The following GNAI2 variants were observed in gnomAD, a reference collection of about 807,000 sequenced individuals.
GNAI2 encodes the protein guanine nucleotide-binding protein G(i) subunit alpha-2.
In GNAI2, 4 loss-of-function variants were observed where a neutral mutation model predicts 36.8. The observed-to-expected ratio is 0.11, with a 90% CI of 0.05 to 0.25. The LOEUF is 0.25. Among genes scored for constraint, GNAI2 ranks in the 10% least tolerant of loss-of-function variants. The pLI is 1.00. For synonymous variants in GNAI2, 194 were observed against 194.1 expected (o/e 1.00, Z 0.01); for missense variants, 230 against 481.3 (o/e 0.48, Z 4.89).
chr3:50,242,622 C>G lies in GNAI2; in HGVS notation c.118+6169C>G, dbSNP rs587763748. The stretch of plus-strand genomic sequence containing the variant: ...TACTAAACCCCAACCCCACCCTCAC[C>G]CTGATGTTACTTCTTGGGGCTGTGG... On this transcript the variant is annotated intron_variant, in intron 1 of 8. Transcript: ENST00000313601. This position sits in a 1 kb window ranked among gnomAD's most constrained non-coding sequence, Gnocchi z 4.8. Among the ~76,000 whole-genome samples the G allele has an allele frequency of 4.3e-4, 65 of 152,248 alleles. No homozygotes were observed. The highest frequency in any genetic ancestry group is 7.6e-4 in the Non-Finnish European group (52 of 68,012).
rs1376266071 is a variant in GNAI2, at chr3:50,253,429, G to A, written c.464+245G>A. On this transcript the variant is annotated intron_variant, in intron 4 of 8. Coordinates refer to ENST00000313601, the MANE Select transcript of GNAI2 (RefSeq NM_002070.4). This position sits in a 1 kb window ranked among gnomAD's most constrained non-coding sequence, Gnocchi z 4.2. ...CATCTCTTCCAGGCCAGTTGAGTCT[G>A]ATCTGTCTTGACAGTCTTCTAAAGA... is the stretch of plus-strand genomic sequence containing the variant. 1.3e-5 allele frequency among the ~76,000 whole-genome samples: 2 copies of A among 152,160 alleles called. No individual in the cohort carries two copies. Among genetic ancestry groups the A allele is most frequent in the African/African-American group, 4.8e-5 (2 of 41,442 alleles).
chr3:50,248,503 C>T (rs1345290496), intron 1 of GNAI2, among the ~76,000 whole-genome samples: 3 of 152,176 alleles, frequency 2.0e-5, no homozygotes, highest in African/African-American at 7.2e-5. Flanking sequence ...CATCCTGGGG[C>T]TCCACCCACC....
At chr3:50,232,374 G>A (rs587730386), upstream of GNAI2, among the ~76,000 whole-genome samples, 1 of 152,264 alleles carries the variant, frequency 6.6e-6, no homozygotes, top group African/African-American at 2.4e-5. Flanking sequence ...CTTATTGAGG[G>A]CTTTCTATGT....
chr3:50,254,910 C>T (rs943984319), intron 4 of GNAI2, among the ~76,000 whole-genome samples: 7 of 152,192 alleles, frequency 4.6e-5, no homozygotes, highest in Non-Finnish European at 4.4e-5. Flanking sequence ...AGCCCCTCTT[C>T]GCAGCAACCC....
chr3:50,229,850 C>G (rs1700042540), upstream of GNAI2: 1 of 152,390 alleles, frequency 6.6e-6, no homozygotes, highest in African/African-American at 2.4e-5. Context: ...GTGTGTGTTC[C>G]TCAAGGACAG....
At chr3:50,246,094 G>C (rs1187642914) in intron 1 of GNAI2, among the ~76,000 whole-genome samples, 2 of 152,228 alleles carry the variant, frequency 1.3e-5, no homozygotes, top group East Asian at 1.9e-4. Flanking sequence ...AGGGAATGAG[G>C]GGGGCCGGGG....
At chr3:50,231,628 T>C (rs1180757669), upstream of GNAI2, among the ~76,000 whole-genome samples, 4 of 152,040 alleles carry the variant, frequency 2.6e-5, no homozygotes, top group Non-Finnish European at 4.4e-5. Flanking sequence ...GGGCCTGGAA[T>C]TAGGGATATG....
Position 50,241,033 on chromosome 3 carries a change from A to G in GNAI2, c.118+4580A>G, listed in dbSNP as rs969770719. ...CTGCCTGGCCTGGGTTTGGAGCCCT[A>G]GGGAACCCCCTCCCCTGCCCTCAGG... On this transcript the variant is annotated intron_variant, in intron 1 of 8. Coordinates refer to ENST00000313601, the MANE Select transcript of GNAI2 (RefSeq NM_002070.4). This position sits in a 1 kb window ranked among gnomAD's most constrained non-coding sequence, Gnocchi z 5.0. 2.0e-5 allele frequency among the ~76,000 whole-genome samples: 3 copies of G among 152,132 alleles called. No homozygotes were observed. In the East Asian group the frequency reaches 5.8e-4, roughly 29 times the overall value.
At position 50,259,163 on chromosome 3, in the gene GNAI2, G is replaced by A. The variant is rs1553703754; in HGVS notation, c.*820G>A. 1 of 329,490 alleles carries A rather than the reference G, an allele frequency of 3.0e-6. No individual in the cohort carries two copies. The highest frequency in any genetic ancestry group is 5.9e-6 in the Non-Finnish European group (1 of 169,632). 20.4% of individuals were successfully genotyped at this position (329,490 alleles called of 1,614,324 possible). ...CCCTGCCCCAGCGGCCCTGGCCCCA[G>A]GCTCTATTAACCTAAAATGTAGCTC... On this transcript the variant is annotated 3_prime_UTR_variant, in exon 9 of 9. Coordinates refer to ENST00000313601, the MANE Select transcript of GNAI2 (RefSeq NM_002070.4).
At chr3:50,237,951 G>T (rs1480044307) in intron 1 of GNAI2, among the ~76,000 whole-genome samples, 1 of 152,236 alleles carries the variant, frequency 6.6e-6, no homozygotes, top group Non-Finnish European at 1.5e-5. Context: ...GCCATCTGTT[G>T]ACTGTCCCTG....
intron 1 of GNAI2, chr3:50,239,844 G>A (rs879946145): frequency 2.0e-5 from 3 of 152,296 alleles, no homozygotes; most frequent in Non-Finnish European, 4.4e-5. Flanking sequence ...TGACACTGCA[G>A]TAGCCACAGT....
At chr3:50,251,950 C>T in intron 1 of GNAI2, 150 bp from the exon 2 acceptor site, 1 of 905,054 alleles carries the variant, frequency 1.1e-6, no homozygotes, top group East Asian at 2.7e-5. Flanking sequence ...GGTAGCTCAA[C>T]TGCCCACCAG....
intron 4 of GNAI2, among the ~76,000 whole-genome samples, chr3:50,254,452 G>C (rs1253062764): frequency 1.3e-5 from 2 of 152,182 alleles, no homozygotes; most frequent in Non-Finnish European, 2.9e-5. Context: ...AGGAGGAGGA[G>C]GGTCTTGCCT....
chr3:50,245,189 G>A (rs1700387240), intron 1 of GNAI2, among the ~76,000 whole-genome samples: 1 of 152,138 alleles, frequency 6.6e-6, no homozygotes, highest in African/African-American at 2.4e-5. Flanking sequence ...GTAGAGACAG[G>A]GTTTCTCCAT....
At chr3:50,228,507 G>A (rs111714844), upstream of GNAI2, among the ~76,000 whole-genome samples, 8 of 145,712 alleles carry the variant, frequency 5.5e-5, no homozygotes, top group East Asian at 1.0e-3. Context: ...CCAAGATCGC[G>A]CCACTGCACT....
chr3:50,234,057 A>T (rs1467462117), upstream of GNAI2, among the ~76,000 whole-genome samples: 3 of 140,572 alleles, frequency 2.1e-5, no homozygotes, highest in East Asian at 6.7e-4. Context: ...CACCACGCCC[A>T]GCTGATTTTT....
In GNAI2 at chr3:50,252,226, C is replaced by T; in HGVS notation, c.161+84C>T. ...GGCCTGCACTGCCCCCGACTACAGGCCCAGCCAGTCTTAGCCAGGCCCAGA... is the reference window on the plus strand; with the variant it reads ...GGCCTGCACTGCCCCCGACTACAGGTCCAGCCAGTCTTAGCCAGGCCCAGA... On this transcript the variant is annotated intron_variant, in intron 2 of 8. Transcript: ENST00000313601. The surrounding 1 kb of genome is among the most constrained non-coding windows in gnomAD (Gnocchi z 4.1). 6.8e-7 allele frequency: 1 copy of T among 1,466,854 alleles called. No individual in the cohort carries two copies. Among genetic ancestry groups the T allele is most frequent in the Non-Finnish European group, 9.5e-7 (1 of 1,050,270 alleles). The allele number at this position is 1,466,854 out of a possible 1,614,324, so 90.9% of individuals were successfully genotyped here.
chr3:50,243,065 AG>A (rs1700330148), intron 1 of GNAI2, among the ~76,000 whole-genome samples: 1 of 152,036 alleles, frequency 6.6e-6, no homozygotes. Context: ...GCCTGGTGCT[AG>A]GGTGGGGGTG....
chr3:50,231,020 C>A lies in GNAI2; in HGVS notation c.-39+22C>A, dbSNP rs75047196. ...AGGGGTTTGTTTCTTCAGCTCTCAG[C>A]CTTAATTTTCTCGCTAGCCCTTCCC... On this transcript the variant is annotated intron_variant, in intron 1 of 8. Transcript: ENST00000266027. The A allele has an allele frequency of 4.0e-4, 367 of 928,130 alleles. 2 individuals carry two copies. In the East Asian group the frequency reaches 0.015, roughly 39 times the overall value. 57.5% of individuals were successfully genotyped at this position (928,130 alleles called of 1,614,324 possible). A position where few individuals can be genotyped will look rare whatever the true frequency, so the allele number is the denominator to read the frequency against.
Sources: gnomAD v4.1 joint callset for allele counts (sites outside exome capture counted in the v4.1 genomes callset) on GRCh38, gnomAD v4.1.1 for gene constraint, Gnocchi (gnomAD v3.1) non-coding constraint, MANE v1.5 for transcripts, NCBI Gene and HGNC (gene_info 2026-07-23, HGNC 2026-07-21) for gene names.